MAP7: variants seen among roughly 807,000 people sequenced by gnomAD.
The protein encoded by MAP7 is ensconsin.
A neutral mutation model predicts 94.8 loss-of-function variants in MAP7; 52 were observed. That is an observed-to-expected ratio of 0.55 (90% confidence interval 0.44 to 0.69). The LOEUF (loss-of-function observed/expected upper bound fraction) is 0.69, where lower values mean the gene tolerates loss of function less well. Among genes scored for constraint, MAP7 ranks in the 30% least tolerant of loss-of-function variants. MAP7 has a pLI of 0.00. For synonymous variants in MAP7, 350 were observed against 357.0 expected (o/e 0.98, Z 0.22); for missense variants, 940 against 964.6 (o/e 0.97, Z 0.34).
At chr6:136,485,067 T>C (rs1442621731) in intron 1 of MAP7, among the ~76,000 whole-genome samples, 4 of 152,212 alleles carry the variant, frequency 2.6e-5, no homozygotes, top group African/African-American at 9.6e-5. Flanking sequence ...GCTTCTACTG[T>C]AGCTCAGGAT....
intron 1 of MAP7, among the ~76,000 whole-genome samples, chr6:136,513,734 T>G (rs995528878): frequency 3.9e-5 from 6 of 152,054 alleles, no homozygotes; most frequent in African/African-American, 1.4e-4. Context: ...AACCCAGAGA[T>G]CCATTCCTTG....
intron 1 of MAP7, chr6:136,525,911 T>C (rs759210647): frequency 6.5e-7 from 1 of 1,535,856 alleles, no homozygotes; most frequent in South Asian, 1.2e-5. Flanking sequence ...GAATTGGCCT[T>C]GCATTGGTCT....
chr6:136,526,694 A>G, intron 1 of MAP7: 4 of 985,418 alleles, frequency 4.1e-6, no homozygotes, highest in Non-Finnish European at 4.8e-6. Context: ...CACAAGCAGC[A>G]GTAGACTCCT....
At chr6:136,393,009 T>C (rs1185089717) in intron 3 of MAP7, among the ~76,000 whole-genome samples, 2 of 152,256 alleles carry the variant, frequency 1.3e-5, no homozygotes, top group African/African-American at 2.4e-5. Context: ...TAAGATAAAT[T>C]TGTAAAATAA....
At chr6:136,508,068 G>A (rs1026795135) in intron 1 of MAP7, among the ~76,000 whole-genome samples, 1 of 152,190 alleles carries the variant, frequency 6.6e-6, no homozygotes, top group South Asian at 2.1e-4. Context: ...GTGAACGCCT[G>A]TAATGCCAGC....
At chr6:136,389,104 T>C (rs1779963323) in intron 4 of MAP7, among the ~76,000 whole-genome samples, 1 of 152,184 alleles carries the variant, frequency 6.6e-6, no homozygotes, top group South Asian at 2.1e-4. Context: ...TACAGATGAA[T>C]TGCACTTCAA....
Position 136,534,855 on chromosome 6 carries a change from ATAGAT to A in MAP7, c.67+15482_67+15486del, listed in dbSNP as rs944105964. ...TTAAATGATTCAAAAGTACAGATAT[ATAGAT>A]TACAAAAAATCCTTCTCTATTATAA... is the stretch of plus-strand genomic sequence containing the variant. On this transcript the variant is annotated intron_variant, in intron 1 of 17. Transcript: ENST00000354570. 7.2e-5 allele frequency among the ~76,000 whole-genome samples: 11 copies of A among 152,320 alleles called. No individual in the cohort carries two copies. In the South Asian group the frequency reaches 1.0e-3, roughly 14 times the overall value.
chr6:136,374,087 A>G (rs1352528502), intron 7 of MAP7, among the ~76,000 whole-genome samples: 4 of 152,190 alleles, frequency 2.6e-5, no homozygotes, highest in Non-Finnish European at 5.9e-5. Flanking sequence ...CTCTTTTCCC[A>G]TCATTTGAAA....
chr6:136,546,825 G>C (rs994541449), intron 1 of MAP7, among the ~76,000 whole-genome samples: 2 of 152,150 alleles, frequency 1.3e-5, no homozygotes, highest in African/African-American at 4.8e-5. Flanking sequence ...CTCATGCATT[G>C]GGAGGCAAAG....
intron 15 of MAP7, among the ~76,000 whole-genome samples, chr6:136,358,098 A>G (rs1430722780): frequency 6.6e-6 from 1 of 152,222 alleles, no homozygotes; most frequent in Non-Finnish European, 1.5e-5. Context: ...GCCTCCTTTT[A>G]GCAGTTTTAA....
intron 8 of MAP7, among the ~76,000 whole-genome samples, chr6:136,368,620 G>C (rs1259159169): frequency 6.6e-6 from 1 of 152,078 alleles, no homozygotes; most frequent in Non-Finnish European, 1.5e-5. Context: ...AAGTAAAATA[G>C]AAAAGGAAAT....
At chr6:136,439,179 G>A (rs1273271589) in intron 1 of MAP7, among the ~76,000 whole-genome samples, 1 of 152,168 alleles carries the variant, frequency 6.6e-6, no homozygotes, top group East Asian at 1.9e-4. Flanking sequence ...ATGACCCAAT[G>A]TGATAGTGCT....
chr6:136,531,568 T>C (rs1179409690), intron 1 of MAP7, among the ~76,000 whole-genome samples: 1 of 144,340 alleles, frequency 6.9e-6, no homozygotes, highest in Non-Finnish European at 1.5e-5. Flanking sequence ...AGGGTATTGA[T>C]AGCTAAATGT....
At position 136,361,017 on chromosome 6, in the gene MAP7, G is replaced by A. The variant is rs371285959; in HGVS notation, c.1689C>T (p.Arg563=). Residue 563 remains arginine (R), a synonymous_variant, in exon 12 of 18, where the codon CGC becomes CGT. Coordinates refer to ENST00000354570, the MANE Select transcript of MAP7 (RefSeq NM_003980.6). ...GGTGCGGCCGCACCTGCCTCTGGGC[G>A]CGCTCTGCCTCCTCCCGCTCGCGCA... ...RALREREEAE[R]AQRQKEEEAR... The A allele has an allele frequency of 1.4e-4, 224 of 1,571,442 alleles. No homozygotes were observed. The highest frequency in any genetic ancestry group is 1.8e-4 in the Non-Finnish European group (206 of 1,165,246).
At chr6:136,348,335 A>G (rs554468645) in intron 16 of MAP7, among the ~76,000 whole-genome samples, 1 of 152,266 alleles carries the variant, frequency 6.6e-6, no homozygotes, top group Admixed American at 6.5e-5. Context: ...CCACCTGCCC[A>G]TTCTACCTGC....
intron 3 of MAP7, among the ~76,000 whole-genome samples, chr6:136,409,600 A>T (rs2128734695): frequency 6.6e-6 from 1 of 152,292 alleles, no homozygotes; most frequent in Non-Finnish European, 1.5e-5. Context: ...CTGCTCTTCT[A>T]TCCCTTTGAA....
chr6:136,543,486 A>G (rs1829488561), intron 1 of MAP7, among the ~76,000 whole-genome samples: 2 of 152,098 alleles, frequency 1.3e-5, no homozygotes, highest in South Asian at 4.1e-4. Flanking sequence ...CCCCATCTCT[A>G]CTAAAAATAC....
chr6:136,481,663 T>C (rs936828817), intron 1 of MAP7, among the ~76,000 whole-genome samples: 1 of 152,094 alleles, frequency 6.6e-6, no homozygotes. Flanking sequence ...TGGTTAACGG[T>C]ACAGAAAAAT....
chr6:136,414,017 A>C (rs1051082875), intron 2 of MAP7, among the ~76,000 whole-genome samples: 25 of 151,930 alleles, frequency 1.6e-4, no homozygotes, highest in African/African-American at 6.0e-4. Flanking sequence ...TGGGAGGCCG[A>C]GGCGGGCGGA....
Sources: allele counts gnomAD v4.1 joint callset (sites outside exome capture counted in the v4.1 genomes callset), GRCh38; gene constraint gnomAD v4.1.1; transcripts MANE v1.5; gene names NCBI Gene and HGNC (gene_info 2026-07-23, HGNC 2026-07-21).